The following CYTH3 variants were observed in gnomAD, a reference collection of about 807,000 sequenced individuals.
CYTH3 encodes cytohesin-3.
CYTH3 carries 23 observed loss-of-function variants against 55.1 expected under a neutral mutation model. That is an observed-to-expected ratio of 0.42 (90% confidence interval 0.30 to 0.59). The LOEUF (loss-of-function observed/expected upper bound fraction) is 0.59. Ranked by LOEUF, CYTH3 falls within the 20% of genes least tolerant of loss-of-function variation. The pLI is 0.20. For synonymous variants in CYTH3, 249 were observed against 194.9 expected (o/e 1.28, Z -2.31); for missense variants, 413 against 524.8 (o/e 0.79, Z 2.08).
At chr7:6,240,172 G>A (rs1779637362) in intron 1 of CYTH3, among the ~76,000 whole-genome samples, 1 of 151,882 alleles carries the variant, frequency 6.6e-6, no homozygotes, top group Admixed American at 6.6e-5. Context: ...CAGGTGTGGT[G>A]GCAGGCACCT....
intron 2 of CYTH3, among the ~76,000 whole-genome samples, chr7:6,189,079 C>A (rs1783731926): frequency 6.6e-6 from 1 of 152,194 alleles, no homozygotes; most frequent in African/African-American, 2.4e-5. Flanking sequence ...GACTAGAAAG[C>A]TTCTCAAAGA....
intron 1 of CYTH3, among the ~76,000 whole-genome samples, chr7:6,206,541 A>C (rs1784192266): frequency 6.6e-6 from 1 of 152,252 alleles, no homozygotes; most frequent in Non-Finnish European, 1.5e-5. Flanking sequence ...GTAGATGCAC[A>C]AGGGTGTGTG....
At chr7:6,267,461 T>G (rs1780528376) in intron 1 of CYTH3, among the ~76,000 whole-genome samples, 1 of 152,240 alleles carries the variant, frequency 6.6e-6, no homozygotes, top group African/African-American at 2.4e-5. Flanking sequence ...TACTACAGAA[T>G]GAAAAATAGG....
At position 6,162,105 on chromosome 7, in the gene CYTH3, G is replaced by T. The variant is rs1210335264; in HGVS notation, c.*2839C>A. On this transcript the variant is annotated 3_prime_UTR_variant, in exon 13 of 13. Coordinates refer to ENST00000350796, the MANE Select transcript of CYTH3 (RefSeq NM_004227.4). Reference sequence around the variant, plus strand: ...TCTGCGTTTGTAACTTTAAAAATAGGCATTGCTTTCTATGAAGCACTAAGT... The same window carrying T: ...TCTGCGTTTGTAACTTTAAAAATAGTCATTGCTTTCTATGAAGCACTAAGT... 1.3e-5 allele frequency: 2 copies of T among 152,600 alleles called. No individual in the cohort carries two copies. The highest frequency in any genetic ancestry group is 4.8e-5 in the African/African-American group (2 of 41,432). 9.5% of individuals were successfully genotyped at this position (152,600 alleles called of 1,614,324 possible).
At chr7:6,259,777 TATATATAATATATATATATATATATATA>T (rs1780263327) in intron 1 of CYTH3, among the ~76,000 whole-genome samples, 1 of 19,960 alleles carries the variant, frequency 5.0e-5, no homozygotes, top group Non-Finnish European at 6.5e-5. Context: ...ATATATTATA[TATATATAATATATATATATATATATATA>T]TATATATAAT....
chr7:6,225,283 T>C (rs1157067333), intron 1 of CYTH3, among the ~76,000 whole-genome samples: 3 of 152,188 alleles, frequency 2.0e-5, no homozygotes, highest in Non-Finnish European at 4.4e-5. Flanking sequence ...ATAGAAATTG[T>C]TCTGGATACA....
In CYTH3 at chr7:6,259,783, TAATATATA is replaced by T. The variant is rs1780267163; in HGVS notation, c.34+12683_34+12690del. Among the ~76,000 whole-genome samples the T allele has an allele frequency of 1.1e-4, 2 of 18,856 alleles. 1 individual carries two copies. Among genetic ancestry groups the T allele is most frequent in the African/African-American group, 1.8e-3 (2 of 1,134 alleles). The allele number at this position is 18,856 out of a possible 152,430, so 12.4% of individuals were successfully genotyped here. A position where few individuals can be genotyped will look rare whatever the true frequency, so the allele number is the denominator to read the frequency against. On this transcript the variant is annotated intron_variant, in intron 1 of 12. Transcript: ENST00000350796. ...TATATATATATATATTATATATATATAATATATATATATATATATATATATATATAATA... is the reference window on the plus strand; with the variant it reads ...TATATATATATATATTATATATATATTATATATATATATATATATATAATA...
rs750700961 is a variant in CYTH3, at chr7:6,168,219, ATTT to A, written c.823+2313_823+2315del. On this transcript the variant is annotated intron_variant, in intron 9 of 12. Coordinates refer to ENST00000350796, the MANE Select transcript of CYTH3 (RefSeq NM_004227.4). ...AGCTCGGATTGGGCCACCTCCTAGG[ATTT>A]TTTTTTTTTTTTTTTTTCTGGTGAT... Among the ~76,000 whole-genome samples the A allele has an allele frequency of 1.1e-3, 130 of 121,616 alleles. No homozygotes were observed. The East Asian group carries it at 0.027, about 25-fold the overall frequency. 79.8% of individuals were successfully genotyped at this position (121,616 alleles called of 152,430 possible).
intron 1 of CYTH3, among the ~76,000 whole-genome samples, chr7:6,256,992 T>G (rs943779069): frequency 3.9e-5 from 6 of 152,232 alleles, no homozygotes; most frequent in Non-Finnish European, 8.8e-5. Flanking sequence ...ACCATCTGAC[T>G]AGTATACAGT....
chr7:6,247,907 TCCC>T (rs1201136352), intron 1 of CYTH3, among the ~76,000 whole-genome samples: 2 of 151,802 alleles, frequency 1.3e-5, no homozygotes, highest in Non-Finnish European at 2.9e-5. Flanking sequence ...GCTCCAGTGA[TCCC>T]CCCATCTCAG....
intron 1 of CYTH3, among the ~76,000 whole-genome samples, chr7:6,216,504 T>C (rs1028186799): frequency 6.6e-6 from 1 of 151,852 alleles, no homozygotes; most frequent in Admixed American, 6.6e-5. Context: ...TTTGGGAGGC[T>C]GAGGTGGGTG....
At chr7:6,175,545 C>CTTTTTTTTT (rs1177188782) in intron 5 of CYTH3, among the ~76,000 whole-genome samples, 36 of 89,014 alleles carry the variant, frequency 4.0e-4, no homozygotes, top group East Asian at 1.3e-3. Flanking sequence ...ACACTTTAGT[C>CTTTTTTTTT]TTTTTTTTTT....
chr7:6,239,245 G>A (rs1779610367), intron 1 of CYTH3, among the ~76,000 whole-genome samples: 1 of 152,082 alleles, frequency 6.6e-6, no homozygotes, highest in Non-Finnish European at 1.5e-5. Context: ...TGTTGAGAGG[G>A]GAGGGGAGAG....
At chr7:6,259,547 A>G (rs1246366607) in intron 1 of CYTH3, among the ~76,000 whole-genome samples, 1 of 150,590 alleles carries the variant, frequency 6.6e-6, no homozygotes, top group East Asian at 2.0e-4. Context: ...TGCTTGCTGT[A>G]TTGGCTCCAG....
chr7:6,214,258 T>A (rs1562391266), intron 1 of CYTH3, among the ~76,000 whole-genome samples: 1 of 152,190 alleles, frequency 6.6e-6, no homozygotes, highest in East Asian at 1.9e-4. Context: ...AGCCACTGTA[T>A]AGCCTTTCAA....
chr7:6,184,291 A>T (rs958987680), intron 4 of CYTH3, among the ~76,000 whole-genome samples: 21 of 150,696 alleles, frequency 1.4e-4, no homozygotes, highest in South Asian at 4.2e-4. Flanking sequence ...CAATCTCCTG[A>T]CCTCATGATC....
chr7:6,187,620 G>T lies in CYTH3; in HGVS notation c.182+37C>A, dbSNP rs748812146. 9.6e-6 allele frequency: 15 copies of T among 1,566,734 alleles called. No homozygotes were observed. In the East Asian group the frequency reaches 2.9e-4, roughly 30 times the overall value. ...CTACAGGATGGAGGTAGAAAGAAAA[G>T]AGTAAATAGCTTAAAGGTGTAGCCA... On this transcript the variant is annotated intron_variant, in intron 3 of 12. Transcript: ENST00000350796.
chr7:6,246,501 C>T (rs1779820418), intron 1 of CYTH3, among the ~76,000 whole-genome samples: 1 of 152,130 alleles, frequency 6.6e-6, no homozygotes, highest in Non-Finnish European at 1.5e-5. Flanking sequence ...TATATCCTCA[C>T]ACATGTAGAT....
chr7:6,231,192 G>A (rs536772260), intron 1 of CYTH3, among the ~76,000 whole-genome samples: 21 of 152,322 alleles, frequency 1.4e-4, no homozygotes, highest in East Asian at 1.9e-4. Flanking sequence ...CCCTCCTCAC[G>A]CTTTCTGTTT....
Sources: allele counts gnomAD v4.1 joint callset (sites outside exome capture counted in the v4.1 genomes callset), GRCh38; gene constraint gnomAD v4.1.1; transcripts MANE v1.5; gene names NCBI Gene and HGNC (gene_info 2026-07-23, HGNC 2026-07-21).